Variants in RNF17 observed in about 807,000 individuals in gnomAD.
RNF17 encodes ring finger protein 17.
RNF17 carries 31 observed loss-of-function variants against 200.5 expected under a neutral mutation model. That is an observed-to-expected ratio of 0.15 (90% CI 0.12 to 0.21). The LOEUF (loss-of-function observed/expected upper bound fraction) is 0.21, where lower values mean the gene tolerates loss of function less well. Ranked by LOEUF, RNF17 falls within the 10% of genes least tolerant of loss-of-function variation. The pLI is 1.00. For synonymous variants in RNF17, 606 were observed against 637.8 expected, an observed-to-expected ratio of 0.95 and a Z score of 0.75; for missense variants, 1,628 against 1,905.1, an observed-to-expected ratio of 0.85 and a Z score of 2.71.
At chr13:24,869,997 A>C (rs1894080206) in intron 31 of RNF17, among the ~76,000 whole-genome samples, 1 of 134,228 alleles carries the variant, frequency 7.5e-6, no homozygotes, top group African/African-American at 2.9e-5. Flanking sequence ...GCTGGAGTGC[A>C]GTGGTGCAAT....
chr13:24,884,472 C>A (rs758221898), downstream of RNF17: 5 of 1,613,786 alleles, frequency 3.1e-6, no homozygotes, highest in Non-Finnish European at 4.2e-6. Flanking sequence ...ACCTAAAAAA[C>A]CAACACAAGA....
At chr13:24,815,569 T>G (rs1166215797) in intron 15 of RNF17, among the ~76,000 whole-genome samples, 2 of 152,206 alleles carry the variant, frequency 1.3e-5, no homozygotes, top group South Asian at 2.1e-4. Flanking sequence ...CCTTTTGTCT[T>G]TTTACCTAAT....
At chr13:24,815,809 C>A (rs1419493905) in intron 15 of RNF17, among the ~76,000 whole-genome samples, 1 of 152,028 alleles carries the variant, frequency 6.6e-6, no homozygotes, top group Non-Finnish European at 1.5e-5. Context: ...TTCTTTTTTG[C>A]AACAATTGAG....
At chr13:24,875,258 T>G (rs941211800) in intron 33 of RNF17, among the ~76,000 whole-genome samples, 1 of 150,628 alleles carries the variant, frequency 6.6e-6, no homozygotes, top group Non-Finnish European at 1.5e-5. Context: ...ATGGTGAAGC[T>G]TGGGTGGAGG....
chr13:24,782,001 C>A, intron 6 of RNF17, 57 bp downstream of exon 6: 2 of 1,065,936 alleles, frequency 1.9e-6, no homozygotes, highest in South Asian at 1.3e-5. Flanking sequence ...ACTAACTTGT[C>A]ATTGTATTCC....
At chr13:24,838,311 G>C (rs1223547476) in intron 18 of RNF17, among the ~76,000 whole-genome samples, 1 of 152,062 alleles carries the variant, frequency 6.6e-6, no homozygotes, top group African/African-American at 2.4e-5. Context: ...GAGAAAGAAG[G>C]AACCCTCCCT....
At chr13:24,875,280 C>T (rs1894739426) in intron 33 of RNF17, among the ~76,000 whole-genome samples, 2 of 152,078 alleles carry the variant, frequency 1.3e-5, no homozygotes, top group Non-Finnish European at 2.9e-5. Context: ...ATGGTGATAT[C>T]ATTTTTGCTT....
At chr13:24,883,238 C>G (rs1356644389), downstream of RNF17, 12 of 1,613,986 alleles carry the variant, frequency 7.4e-6, no homozygotes, top group Non-Finnish European at 1.0e-5. Context: ...CCGACCGGAT[C>G]TGTACTTCGT....
chr13:24,870,496 C>T (rs1295759044), intron 31 of RNF17, 75 bp from the exon 32 acceptor site: 1 of 1,323,114 alleles, frequency 7.6e-7, no homozygotes. Flanking sequence ...CTGTCTGCTA[C>T]AGTAATTTTG....
At chr13:24,885,334 T>TATTC in the RNF17 span, 1 of 1,614,046 alleles carries the variant, frequency 6.2e-7, no homozygotes. Context: ...CTCCTCTTTA[T>TATTC]ATTCAGGATC....
At chr13:24,880,185 C>G (rs116717089), downstream of RNF17, among the ~76,000 whole-genome samples, 1 of 151,964 alleles carries the variant, frequency 6.6e-6, no homozygotes, top group Non-Finnish European at 1.5e-5. Flanking sequence ...CTCAGGAAAC[C>G]TACAAACATG....
At chr13:24,778,685 T>A (rs1242530473) in intron 4 of RNF17, among the ~76,000 whole-genome samples, 1 of 152,244 alleles carries the variant, frequency 6.6e-6, no homozygotes, top group Non-Finnish European at 1.5e-5. Context: ...ATCCAGGTTC[T>A]GTGAAACATG....
At chr13:24,781,212 C>T (rs1289062010) in intron 5 of RNF17, among the ~76,000 whole-genome samples, 2 of 151,098 alleles carry the variant, frequency 1.3e-5, no homozygotes, top group African/African-American at 2.4e-5. Flanking sequence ...TTTTAATCCA[C>T]GGGGTCCTAT....
chr13:24,777,654 A>G (rs1211481534), intron 3 of RNF17, among the ~76,000 whole-genome samples: 2 of 152,222 alleles, frequency 1.3e-5, no homozygotes, highest in Non-Finnish European at 2.9e-5. Flanking sequence ...GCATTTGTAT[A>G]TATAAACACT....
Position 24,800,438 on chromosome 13 carries a change from T to A in RNF17, c.1662T>A (p.Val554=). ...TTGCACTAAATGATTTATGTCTGGTTCTAAGGAAATCTGAACCATATACTG... is the reference window on the plus strand; with the variant it reads ...TTGCACTAAATGATTTATGTCTGGTACTAAGGAAATCTGAACCATATACTG... ...QHIALNDLCL[V]LRKSEPYTEG... is the part of the protein sequence containing the mutation. The change falls in exon 13 of 36, where the codon GTT becomes GTA. Residue 554 remains valine, a synonymous_variant. Coordinates refer to ENST00000255324, the MANE Select transcript of RNF17 (RefSeq NM_031277.3). 6.2e-7 allele frequency: 1 copy of A among 1,613,434 alleles called. No individual in the cohort carries two copies. Among genetic ancestry groups the A allele is most frequent in the Non-Finnish European group, 8.5e-7 (1 of 1,179,580 alleles).
chr13:24,858,611 T>G (rs919465747), intron 25 of RNF17, among the ~76,000 whole-genome samples: 4 of 148,790 alleles, frequency 2.7e-5, no homozygotes, highest in African/African-American at 9.8e-5. Context: ...GTGGAACTAA[T>G]GGGCCAATTA....
At position 24,842,167 on chromosome 13, in the gene RNF17, T is replaced by C. The variant is rs1403812662; in HGVS notation, c.2603+6T>C. On this transcript the variant is annotated splice_donor_region_variant and intron_variant, in intron 19 of 35. Transcript: ENST00000255324. ...CTAGCATCTTATGAAATAGGGTAAG[T>C]AGATATGTAAACTTTCATTGTTAGT... 1.3e-6 allele frequency: 2 copies of C among 1,583,796 alleles called. No homozygotes were observed. The highest frequency in any genetic ancestry group is 2.2e-5 in the East Asian group (1 of 44,534).
At chr13:24,849,277 T>C (rs1476658296) in intron 22 of RNF17, among the ~76,000 whole-genome samples, 1 of 152,218 alleles carries the variant, frequency 6.6e-6, no homozygotes, top group African/African-American at 2.4e-5. Flanking sequence ...ATCTGTAATC[T>C]CTTCTGTGTT....
chr13:24,849,249 T>TA (rs1216901528), intron 22 of RNF17, among the ~76,000 whole-genome samples: 1 of 152,216 alleles, frequency 6.6e-6, no homozygotes, highest in African/African-American at 2.4e-5. Context: ...AGAGAGCCTA[T>TA]AGAGCCTGCA....
Sources: allele counts gnomAD v4.1 joint callset (sites outside exome capture counted in the v4.1 genomes callset), GRCh38; gene constraint gnomAD v4.1.1; transcripts MANE v1.5; gene names NCBI Gene and HGNC (gene_info 2026-07-23, HGNC 2026-07-21).